Variants in FBP1 observed in about 807,000 individuals in gnomAD.
FBP1 encodes fructose-1,6-bisphosphatase 1.
Under a neutral mutation model 29.9 loss-of-function variants are expected in FBP1, and 22 were observed. That is an observed-to-expected ratio of 0.74 (90% CI 0.53 to 1.05). The LOEUF is 1.05. Ranked by LOEUF, FBP1 falls within the 50% of genes least tolerant of loss-of-function variation. The pLI, the probability that FBP1 is intolerant of heterozygous loss-of-function variation, is 0.00. For synonymous variants in FBP1, 175 were observed against 178.6 expected (o/e 0.98, Z 0.16); for missense variants, 345 against 448.2 (o/e 0.77, Z 2.08).
At chr9:94,614,906 T>C (rs984018105) in intron 3 of FBP1, among the ~76,000 whole-genome samples, 4 of 152,102 alleles carry the variant, frequency 2.6e-5, no homozygotes, top group Non-Finnish European at 4.4e-5. Flanking sequence ...ATTAATTAAT[T>C]AATTTATTTA....
At chr9:94,609,898 C>T in intron 4 of FBP1, 23 bp downstream of exon 4, 1 of 1,613,822 alleles carries the variant, frequency 6.2e-7, no homozygotes, top group Non-Finnish European at 8.5e-7. Context: ...GCCAAGCCCC[C>T]AGCCTCCTGT....
chr9:94,618,631 C>A (rs1263563080), intron 2 of FBP1, among the ~76,000 whole-genome samples: 1 of 151,934 alleles, frequency 6.6e-6, no homozygotes, highest in Non-Finnish European at 1.5e-5. Flanking sequence ...AGAATGAGGC[C>A]CTGTCTCTAA....
intron 1 of FBP1, among the ~76,000 whole-genome samples, chr9:94,636,381 G>A (rs1267430377): frequency 6.6e-6 from 1 of 152,044 alleles, no homozygotes; most frequent in Non-Finnish European, 1.5e-5. Context: ...GGGAGGCTGA[G>A]GTGGGAGCAC....
chr9:94,640,176 CA>C (rs1828264757), upstream of FBP1: 1 of 152,254 alleles, frequency 6.6e-6, no homozygotes, highest in Non-Finnish European at 1.5e-5. Context: ...CGGTCGCTGA[CA>C]CAGAGTCCTC....
intron 1 of FBP1, among the ~76,000 whole-genome samples, chr9:94,636,186 A>C (rs1828187920): frequency 6.6e-6 from 1 of 152,140 alleles, no homozygotes; most frequent in African/African-American, 2.4e-5. Flanking sequence ...CTAGTATAAA[A>C]GTACACATAT....
chr9:94,635,086 CAAAAAAAAAAAA>C (rs11289183), intron 1 of FBP1, among the ~76,000 whole-genome samples: 1 of 82,254 alleles, frequency 1.2e-5, no homozygotes, highest in Non-Finnish European at 2.3e-5. Flanking sequence ...GGCCCTGTCT[CAAAAAAAAAAAA>C]AAAAAAAAAA....
At chr9:94,634,797 C>T (rs1216254138) in intron 1 of FBP1, among the ~76,000 whole-genome samples, 1 of 152,094 alleles carries the variant, frequency 6.6e-6, no homozygotes, top group Non-Finnish European at 1.5e-5. Context: ...CCTGTCTCTA[C>T]TAAAAATACA....
At chr9:94,616,448 C>CT (rs202184777) in intron 3 of FBP1, among the ~76,000 whole-genome samples, 9 of 69,576 alleles carry the variant, frequency 1.3e-4, no homozygotes, top group East Asian at 1.9e-3. Flanking sequence ...TATATATATA[C>CT]TTTTTTTTTT....
intron 1 of FBP1, among the ~76,000 whole-genome samples, chr9:94,635,478 A>G (rs556842288): frequency 7.2e-5 from 11 of 152,194 alleles, no homozygotes; most frequent in Admixed American, 2.0e-4. Flanking sequence ...GTTCCTGCAA[A>G]TCTGCAATCA....
At chr9:94,623,071 G>A (rs1489139568) in intron 1 of FBP1, among the ~76,000 whole-genome samples, 4 of 151,782 alleles carry the variant, frequency 2.6e-5, no homozygotes, top group Admixed American at 6.6e-5. Flanking sequence ...TGCAACCTCC[G>A]CCTCCCAGGT....
chr9:94,625,266 C>A (rs1305211553), intron 1 of FBP1, among the ~76,000 whole-genome samples: 28 of 152,088 alleles, frequency 1.8e-4, no homozygotes, highest in Admixed American at 1.8e-3. Context: ...TGGCTCCTAC[C>A]CTTGGCACAC....
intron 3 of FBP1, among the ~76,000 whole-genome samples, chr9:94,612,602 G>A (rs1476780280): frequency 6.9e-6 from 1 of 145,488 alleles, no homozygotes. Context: ...CTATCGCCAG[G>A]CTGGAGTGCA....
intron 6 of FBP1, 82 bp downstream of exon 6, chr9:94,605,375 A>C: frequency 6.6e-7 from 1 of 1,504,000 alleles, no homozygotes; most frequent in Non-Finnish European, 9.1e-7. Flanking sequence ...ATAGCTAGCA[A>C]AACCTTTCTT....
Position 94,619,832 on chromosome 9 carries a change from C to T in FBP1, c.333+497G>A, listed in dbSNP as rs28369699. ...GAGGTTGCAGTGAGCCAAGATCACACCACTGTACACCAGACTGGGCAACAA... is the reference window on the plus strand; with the variant it reads ...GAGGTTGCAGTGAGCCAAGATCACATCACTGTACACCAGACTGGGCAACAA... On this transcript the variant is annotated intron_variant, in intron 2 of 6. Coordinates refer to ENST00000375326, the MANE Select transcript of FBP1 (RefSeq NM_000507.4). Among the ~76,000 whole-genome samples, 3 of 138,358 alleles carry T rather than the reference C, an allele frequency of 2.2e-5. No homozygotes were observed. The East Asian group carries it at 6.3e-4, about 29-fold the overall frequency. 90.8% of individuals were successfully genotyped at this position (138,358 alleles called of 152,430 possible).
chr9:94,624,514 G>A (rs533355242), intron 1 of FBP1, among the ~76,000 whole-genome samples: 44 of 151,698 alleles, frequency 2.9e-4, no homozygotes, highest in African/African-American at 5.8e-4. Context: ...TTAGCTGGGC[G>A]TGGTGGCACA....
chr9:94,640,112 A>G (rs1405475372), upstream of FBP1: 1 of 152,228 alleles, frequency 6.6e-6, no homozygotes, highest in African/African-American at 2.4e-5. Flanking sequence ...TTCGAGAGCT[A>G]TTGAGTATTT....
intron 5 of FBP1, 125 bp from the exon 6 acceptor site, chr9:94,605,701 C>T (rs1378935658): frequency 2.1e-6 from 2 of 936,904 alleles, no homozygotes; most frequent in Non-Finnish European, 1.6e-6. Context: ...GTATTTGGGG[C>T]TGTGCTAAAA....
chr9:94,620,209 A>T, intron 2 of FBP1, 120 bp downstream of exon 2: 1 of 980,356 alleles, frequency 1.0e-6, no homozygotes, highest in Non-Finnish European at 1.6e-6. Context: ...TGAAAAGACC[A>T]CAGCAGGGAT....
chr9:94,621,345 G>A (rs570040148), intron 1 of FBP1, among the ~76,000 whole-genome samples: 65 of 150,980 alleles, frequency 4.3e-4, no homozygotes, highest in African/African-American at 1.5e-3. Flanking sequence ...GCAGTGAGCC[G>A]AGATCGCACC....
Sources: allele counts gnomAD v4.1 joint callset (sites outside exome capture counted in the v4.1 genomes callset), GRCh38; gene constraint gnomAD v4.1.1; transcripts MANE v1.5; gene names NCBI Gene and HGNC (gene_info 2026-07-23, HGNC 2026-07-21).